The following ZNF503 variants were observed in gnomAD, a reference collection of about 807,000 sequenced individuals.
The protein encoded by ZNF503 is NocA-like zinc finger 2.
In ZNF503, 15 loss-of-function variants were observed where a neutral mutation model predicts 34.4. The ratio of observed to expected loss-of-function variants is 0.44; its 90% CI spans 0.29 to 0.67. ZNF503 has a LOEUF of 0.67. Ranked by LOEUF, ZNF503 falls within the 30% of genes least tolerant of loss-of-function variation. The pLI, the probability that ZNF503 is intolerant of heterozygous loss-of-function variation, is 0.13. For synonymous variants in ZNF503, 580 were observed against 456.8 expected, an observed-to-expected ratio of 1.27 and a Z score of -3.44; for missense variants, 1,007 against 926.8, an observed-to-expected ratio of 1.09 and a Z score of -1.12.
At chr10:75,280,855 G>A in the ZNF503 span, among the ~76,000 whole-genome samples, 623 of 152,264 alleles carry the variant, frequency 4.1e-3, 5 homozygotes, top group Non-Finnish European at 7.0e-3. Flanking sequence ...TCAGGCCTGA[G>A]AGCTGAGTAG....
At chr10:75,294,482 A>T in the ZNF503 span, among the ~76,000 whole-genome samples, 2 of 152,094 alleles carry the variant, frequency 1.3e-5, no homozygotes, top group African/African-American at 2.4e-5. Context: ...TATTATTATT[A>T]TTTTTTTGCA....
chr10:75,393,353 A>G (rs2131981676), downstream of ZNF503, among the ~76,000 whole-genome samples: 1 of 152,346 alleles, frequency 6.6e-6, no homozygotes, highest in East Asian at 1.9e-4. Flanking sequence ...TGAGCCCTGG[A>G]TTGGGAGCCA....
the ZNF503 span, chr10:75,382,624 G>A: frequency 5.1e-6 from 2 of 394,316 alleles, no homozygotes; most frequent in East Asian, 8.6e-5. Context: ...CTTGCTCCTC[G>A]AATGCATGAC....
chr10:75,332,789 G>T, the ZNF503 span, among the ~76,000 whole-genome samples: 2 of 146,144 alleles, frequency 1.4e-5, no homozygotes, highest in East Asian at 3.9e-4. Context: ...CACCGGGTTG[G>T]GGGTAAGGTC....
At chr10:75,319,410 T>C in the ZNF503 span, among the ~76,000 whole-genome samples, 1 of 152,170 alleles carries the variant, frequency 6.6e-6, no homozygotes, top group Admixed American at 6.5e-5. Flanking sequence ...TCACTTGAAC[T>C]GGTACAATGA....
chr10:75,295,766 T>C, the ZNF503 span: 13 of 152,346 alleles, frequency 8.5e-5, no homozygotes, highest in Admixed American at 2.6e-4. The surrounding 1 kb of genome is among the most constrained non-coding windows in gnomAD (Gnocchi z 4.0). Context: ...ATAACACATG[T>C]TGTACCGCTA....
Position 75,401,131 on chromosome 10 carries a change from G to A in ZNF503, c.289C>T (p.Pro97Ser). The change falls in exon 1 of 2, where the codon CCT becomes TCT. Residue 97 changes from proline to serine, a missense_variant. By Grantham distance (74) the Pro-to-Ser change is moderately conservative. Transcript: ENST00000372524. The stretch of plus-strand genomic sequence containing the variant: ...TCGATGGGGCTGACCGGCGTGGAAG[G>A]CAGGGGCTGCAGGTACTCGGGGTGC... ...ILHPEYLQPL[P>S]STPVSPIELD... The A allele has an allele frequency of 6.2e-7, 1 of 1,612,990 alleles. No homozygotes were observed. Among genetic ancestry groups the A allele is most frequent in the Non-Finnish European group, 8.5e-7 (1 of 1,179,560 alleles).
At chr10:75,370,857 C>T in the ZNF503 span, among the ~76,000 whole-genome samples, 472 of 135,400 alleles carry the variant, frequency 3.5e-3, 2 homozygotes, top group African/African-American at 0.012. Flanking sequence ...GAACTATTAA[C>T]TAATTTTTAA....
chr10:75,369,049 CTT>C, the ZNF503 span, among the ~76,000 whole-genome samples: 2 of 152,122 alleles, frequency 1.3e-5, no homozygotes, highest in African/African-American at 4.8e-5. Context: ...ACAAGGGAGA[CTT>C]TACACGCTGT....
the ZNF503 span, among the ~76,000 whole-genome samples, chr10:75,333,157 C>T: frequency 7.6e-6 from 1 of 132,044 alleles, no homozygotes; most frequent in Admixed American, 7.4e-5. Context: ...CAGAGGGGCT[C>T]CTCACTTCCC....
chr10:75,346,525 C>T, the ZNF503 span, among the ~76,000 whole-genome samples: 12 of 151,526 alleles, frequency 7.9e-5, no homozygotes, highest in Non-Finnish European at 1.6e-4. Flanking sequence ...CAACTTCCTG[C>T]GTTCAGGCAA....
the ZNF503 span, among the ~76,000 whole-genome samples, chr10:75,295,939 A>G: frequency 6.6e-6 from 1 of 152,224 alleles, no homozygotes; most frequent in South Asian, 2.1e-4. This position sits in a 1 kb window ranked among gnomAD's most constrained non-coding sequence, Gnocchi z 4.0. Context: ...TTGTGTCCAA[A>G]GCTAATTTCC....
At chr10:75,347,054 C>T in the ZNF503 span, among the ~76,000 whole-genome samples, 17 of 152,226 alleles carry the variant, frequency 1.1e-4, no homozygotes, top group South Asian at 2.7e-3. Flanking sequence ...ATTTCTGAAA[C>T]GGATTTTTAA....
chr10:75,324,308 TTTTG>T, the ZNF503 span, among the ~76,000 whole-genome samples: 1 of 144,964 alleles, frequency 6.9e-6, no homozygotes, highest in East Asian at 2.0e-4. Flanking sequence ...TGATCCTTTT[TTTTG>T]TTTGTTTGTT....
At chr10:75,375,741 T>C in the ZNF503 span, among the ~76,000 whole-genome samples, 1 of 152,220 alleles carries the variant, frequency 6.6e-6, no homozygotes. Flanking sequence ...GGTCTTGAAC[T>C]CCTGGCCTCA....
the ZNF503 span, among the ~76,000 whole-genome samples, chr10:75,328,519 A>G: frequency 6.6e-6 from 1 of 152,026 alleles, no homozygotes; most frequent in East Asian, 1.9e-4. Flanking sequence ...GATATTTTGA[A>G]TTCTGGTATT....
At chr10:75,348,801 C>T in the ZNF503 span, among the ~76,000 whole-genome samples, 5 of 152,160 alleles carry the variant, frequency 3.3e-5, no homozygotes, top group Non-Finnish European at 7.4e-5. Context: ...CGTGAGCCAC[C>T]GCACCCGGCC....
chr10:75,290,336 G>A, the ZNF503 span, among the ~76,000 whole-genome samples: 1 of 152,188 alleles, frequency 6.6e-6, no homozygotes, highest in South Asian at 2.1e-4. Context: ...TTGGCTGTCA[G>A]CTGGGACGTT....
chr10:75,353,898 A>G, the ZNF503 span, among the ~76,000 whole-genome samples: 5 of 152,210 alleles, frequency 3.3e-5, no homozygotes, highest in Non-Finnish European at 7.3e-5. Flanking sequence ...AACACGCATG[A>G]CCACTGCTGC....
Sources: gnomAD v4.1 joint callset for allele counts (sites outside exome capture counted in the v4.1 genomes callset) on GRCh38, gnomAD v4.1.1 for gene constraint, Gnocchi (gnomAD v3.1) non-coding constraint, MANE v1.5 for transcripts, NCBI Gene and HGNC (gene_info 2026-07-23, HGNC 2026-07-21) for gene names.